The following EYA3 variants were observed in gnomAD, a reference collection of about 807,000 sequenced individuals.
EYA3 encodes EYA transcriptional coactivator and phosphatase 3.
In EYA3, 39 loss-of-function variants were observed where a neutral mutation model predicts 80.0. That is an observed-to-expected ratio of 0.49 (90% confidence interval 0.38 to 0.64). The LOEUF is 0.64. Ranked by LOEUF, EYA3 falls within the 30% of genes least tolerant of loss-of-function variation. The pLI, the probability that EYA3 is intolerant of heterozygous loss-of-function variation, is 0.00. For synonymous variants in EYA3, 206 were observed against 232.8 expected (o/e 0.88, Z 1.05); for missense variants, 523 against 676.1 (o/e 0.77, Z 2.51).
At chr1:28,047,223 C>T (rs1388601715) in intron 3 of EYA3, among the ~76,000 whole-genome samples, 1 of 151,872 alleles carries the variant, frequency 6.6e-6, no homozygotes, top group African/African-American at 2.4e-5. Flanking sequence ...ACCTCCGCCT[C>T]GTGGGTTCAA....
chr1:28,001,562 C>T (rs1453984659), intron 11 of EYA3, among the ~76,000 whole-genome samples: 5 of 150,142 alleles, frequency 3.3e-5, no homozygotes, highest in African/African-American at 1.2e-4. Context: ...TCCTGGCTAA[C>T]GTGGTGAATC....
At chr1:27,989,577 C>A (rs772214186) in intron 15 of EYA3, 120 bp downstream of exon 15, 6 of 519,344 alleles carry the variant, frequency 1.2e-5, no homozygotes, top group African/African-American at 2.0e-5. Context: ...TACTTCCCTA[C>A]ATCATTTAAA....
chr1:28,053,597 A>G (rs1403456291), intron 2 of EYA3, among the ~76,000 whole-genome samples: 3 of 152,184 alleles, frequency 2.0e-5, no homozygotes, highest in African/African-American at 7.2e-5. Flanking sequence ...TACCTACTTC[A>G]TAGGGCTCAT....
chr1:27,995,142 T>C (rs756365338), intron 13 of EYA3, among the ~76,000 whole-genome samples: 16 of 151,652 alleles, frequency 1.1e-4, no homozygotes, highest in Non-Finnish European at 2.4e-4. Context: ...TGGTGGCTCA[T>C]GTCTATAATC....
In EYA3 at chr1:27,974,278, A is replaced by G; in HGVS notation, c.*188T>C. 1 of 425,700 alleles carries G rather than the reference A, an allele frequency of 2.3e-6. No homozygotes were observed. 26.4% of individuals were successfully genotyped at this position (425,700 alleles called of 1,614,324 possible). On this transcript the variant is annotated 3_prime_UTR_variant, in exon 18 of 18. Coordinates refer to ENST00000373871, the MANE Select transcript of EYA3 (RefSeq NM_001990.4). ...TAAAGACAGAGAGAGAGAGAGAGAGAGAGGCAGAGAGGGAGGGAGAGAGGA... is the reference window on the plus strand; with the variant it reads ...TAAAGACAGAGAGAGAGAGAGAGAGGGAGGCAGAGAGGGAGGGAGAGAGGA...
intron 1 of EYA3, among the ~76,000 whole-genome samples, chr1:28,078,708 G>GT (rs1264857918): frequency 2.0e-5 from 3 of 151,980 alleles, no homozygotes; most frequent in African/African-American, 7.2e-5. Flanking sequence ...CCATGCCCAG[G>GT]TAATACATTA....
In EYA3 at chr1:28,083,618, T is replaced by C. The variant is rs1452369147; in HGVS notation, c.-69+4906A>G. Among the ~76,000 whole-genome samples the C allele has an allele frequency of 2.6e-5, 4 of 152,210 alleles. No individual in the cohort carries two copies. The East Asian group carries it at 7.7e-4, about 29-fold the overall frequency. ...AAAATAGTTCCTGGTACATAGTAAG[T>C]GCTGTATAAAGTTCACTTTTATTTT... On this transcript the variant is annotated intron_variant, in intron 1 of 17. Transcript: ENST00000373871.
In EYA3 at chr1:28,011,073, T is replaced by C. The variant is rs763561071; in HGVS notation, c.783A>G (p.Thr261=). ...GTGTAGTCTGGGACAAAGATGGACT[T>C]GTAGAAGGGTCTCCTGGAAAGAAAA... ...AQRLSSGDPS[T]SPSLSQTTPS... Residue 261 remains threonine, a synonymous_variant, in exon 10 of 18, where the codon ACA becomes ACG. Coordinates refer to ENST00000373871, the MANE Select transcript of EYA3 (RefSeq NM_001990.4). The C allele has an allele frequency of 2.5e-6, 4 of 1,612,564 alleles. No individual in the cohort carries two copies. The highest frequency in any genetic ancestry group is 3.4e-6 in the Non-Finnish European group (4 of 1,179,590).
intron 2 of EYA3, among the ~76,000 whole-genome samples, chr1:28,049,302 C>CCAGA (rs1644153371): frequency 6.6e-6 from 1 of 152,066 alleles, no homozygotes; most frequent in Non-Finnish European, 1.5e-5. Flanking sequence ...ACAACCATGA[C>CCAGA]CAGACATTCT....
intron 7 of EYA3, among the ~76,000 whole-genome samples, chr1:28,023,585 T>A (rs1416890658): frequency 6.6e-6 from 1 of 151,934 alleles, no homozygotes. Context: ...TCTCTAAGAG[T>A]GGGGCATCTT....
chr1:28,042,519 A>T, intron 4 of EYA3, 52 bp downstream of exon 4: 5 of 1,486,942 alleles, frequency 3.4e-6, no homozygotes, highest in Non-Finnish European at 4.7e-6. Context: ...TAAGAAAAGC[A>T]TTACTAGTTA....
intron 14 of EYA3, among the ~76,000 whole-genome samples, chr1:27,992,366 T>C (rs1014039011): frequency 3.3e-5 from 5 of 152,192 alleles, no homozygotes; most frequent in African/African-American, 1.2e-4. Flanking sequence ...ATCCCTTGCA[T>C]GTGCAGTTCA....
intron 2 of EYA3, among the ~76,000 whole-genome samples, chr1:28,054,656 C>T (rs936981296): frequency 7.9e-5 from 12 of 152,126 alleles, no homozygotes; most frequent in African/African-American, 1.9e-4. Flanking sequence ...CCCAGGAGTT[C>T]GAGACCAGCC....
intron 10 of EYA3, among the ~76,000 whole-genome samples, chr1:28,007,524 G>A (rs1375238659): frequency 2.0e-5 from 3 of 151,688 alleles, no homozygotes; most frequent in African/African-American, 4.8e-5. Context: ...TAGTAGAGAC[G>A]GGGTTTCACC....
At chr1:27,998,372 C>T (rs1438885575) in intron 12 of EYA3, 4 of 951,886 alleles carry the variant, frequency 4.2e-6, no homozygotes, top group Non-Finnish European at 5.0e-6. Context: ...ATTACAAATA[C>T]AATTGGCAAT....
At chr1:28,047,385 G>A (rs1441653924) in intron 3 of EYA3, among the ~76,000 whole-genome samples, 2 of 152,144 alleles carry the variant, frequency 1.3e-5, no homozygotes, top group Non-Finnish European at 2.9e-5. Flanking sequence ...GGGTGATGGT[G>A]AAAAGATGAC....
intron 17 of EYA3, 28 bp from the exon 18 acceptor site, chr1:27,974,574 A>G: frequency 6.3e-7 from 1 of 1,583,252 alleles, no homozygotes; most frequent in Non-Finnish European, 8.7e-7. Flanking sequence ...TAGCTGGTTA[A>G]TCCAACTTCT....
chr1:28,041,144 A>C (rs553793379), intron 4 of EYA3, among the ~76,000 whole-genome samples: 1 of 152,274 alleles, frequency 6.6e-6, no homozygotes, highest in East Asian at 1.9e-4. Flanking sequence ...CCGGCAGATC[A>C]CTTGAGGTCA....
intron 3 of EYA3, among the ~76,000 whole-genome samples, chr1:28,046,603 G>A (rs1414698332): frequency 6.6e-6 from 1 of 152,064 alleles, no homozygotes; most frequent in Non-Finnish European, 1.5e-5. Context: ...ATACCAGGAA[G>A]GGGGACTAAG....
Sources: allele counts gnomAD v4.1 joint callset (sites outside exome capture counted in the v4.1 genomes callset), GRCh38; gene constraint gnomAD v4.1.1; transcripts MANE v1.5; gene names NCBI Gene and HGNC (gene_info 2026-07-23, HGNC 2026-07-21).